SOX5: variants seen among roughly 807,000 people sequenced by gnomAD.
The protein encoded by SOX5 is transcription factor SOX-5.
SOX5 carries 9 observed loss-of-function variants against 92.0 expected under a neutral mutation model. The ratio of observed to expected loss-of-function variants is 0.10; its 90% CI spans 0.06 to 0.17. The LOEUF (loss-of-function observed/expected upper bound fraction) is 0.17. Among genes scored for constraint, SOX5 ranks in the 10% least tolerant of loss-of-function variants. The probability of loss-of-function intolerance (pLI) is 1.00; values close to 1 mark genes in which losing one functional copy is unlikely to be tolerated. For synonymous variants in SOX5, 344 were observed against 336.3 expected, an observed-to-expected ratio of 1.02 and a Z score of -0.25; for missense variants, 642 against 944.5, an observed-to-expected ratio of 0.68 and a Z score of 4.20.
At chr12:23,783,798 A>G (rs1003470974) in intron 3 of SOX5, among the ~76,000 whole-genome samples, 3 of 152,220 alleles carry the variant, frequency 2.0e-5, no homozygotes, top group Non-Finnish European at 4.4e-5. Flanking sequence ...GGCTCCAAAG[A>G]GGCCACCACT....
chr12:23,535,559 CTTG>C (rs1940196097), intron 14 of SOX5, among the ~76,000 whole-genome samples: 1 of 152,176 alleles, frequency 6.6e-6, no homozygotes, highest in South Asian at 2.1e-4. Flanking sequence ...TGCATTTATG[CTTG>C]TTTTTATTCA....
chr12:24,340,337 A>G (rs1952433200), intron 2 of SOX5, among the ~76,000 whole-genome samples: 1 of 152,238 alleles, frequency 6.6e-6, no homozygotes, highest in Non-Finnish European at 1.5e-5. Flanking sequence ...AAGTTAAGTT[A>G]AACATAACTC....
At chr12:23,858,578 C>G (rs569272003) in intron 2 of SOX5, among the ~76,000 whole-genome samples, 1 of 152,108 alleles carries the variant, frequency 6.6e-6, no homozygotes, top group Admixed American at 6.6e-5. Context: ...GAAGAGGGAA[C>G]CCTTATACAC....
At chr12:23,972,499 A>G (rs1424754554) in intron 4 of SOX5, among the ~76,000 whole-genome samples, 1 of 150,818 alleles carries the variant, frequency 6.6e-6, no homozygotes, top group African/African-American at 2.4e-5. Flanking sequence ...CTGGGATTAC[A>G]GGCGCCCACC....
At chr12:24,293,188 A>C (rs115078789) in intron 2 of SOX5, among the ~76,000 whole-genome samples, 1 of 152,228 alleles carries the variant, frequency 6.6e-6, no homozygotes, top group Non-Finnish European at 1.5e-5. Flanking sequence ...CACTATAGCT[A>C]TAAGGTGATA....
chr12:24,274,748 T>C (rs1019732660), intron 3 of SOX5, among the ~76,000 whole-genome samples: 6 of 152,024 alleles, frequency 3.9e-5, no homozygotes, highest in Non-Finnish European at 5.9e-5. Flanking sequence ...TTTTCACTCA[T>C]CTTAGAGTTA....
At chr12:24,398,167 G>C (rs1960552117) in intron 1 of SOX5, among the ~76,000 whole-genome samples, 1 of 152,080 alleles carries the variant, frequency 6.6e-6, no homozygotes, top group East Asian at 1.9e-4. Context: ...ATTTTTTATA[G>C]AAAGAATAAT....
chr12:24,555,105 C>T (rs1953638601), intron 1 of SOX5, among the ~76,000 whole-genome samples: 1 of 152,202 alleles, frequency 6.6e-6, no homozygotes, highest in South Asian at 2.1e-4. Flanking sequence ...AGCAGGAGCT[C>T]GCGCTGAGGG....
intron 1 of SOX5, among the ~76,000 whole-genome samples, chr12:24,527,426 CTTG>C (rs1201046492): frequency 6.6e-6 from 1 of 152,182 alleles, no homozygotes; most frequent in Admixed American, 6.5e-5. Flanking sequence ...AAAGTTAAAA[CTTG>C]TTGTGCCAAT....
intron 1 of SOX5, among the ~76,000 whole-genome samples, chr12:23,927,228 T>C (rs1940198871): frequency 6.6e-6 from 1 of 152,024 alleles, no homozygotes; most frequent in Non-Finnish European, 1.5e-5. Flanking sequence ...ACGTAACCAT[T>C]CTGGGGGAGG....
rs115889465 is a variant in SOX5 at position 23,915,358 on chromosome 12, A to G, written c.39-19334T>C. On this transcript the variant is annotated intron_variant, in intron 1 of 14. Coordinates refer to ENST00000451604, the MANE Select transcript of SOX5 (RefSeq NM_006940.6). ...AGCTATGAGAAGCCATCTGTGTTTA[A>G]TATACTTGGACCTTTGAAAAGGAGT... Among the ~76,000 whole-genome samples, 796 of 152,306 alleles carry G rather than the reference A, an allele frequency of 5.2e-3. 10 individuals are homozygous for G. The highest frequency in any genetic ancestry group is 0.018 in the African/African-American group (768 of 41,566).
chr12:23,563,256 AC>A lies in SOX5; in HGVS notation c.1488+1del. ...AGAAAGTAAGTTATTTTATGAACTGACCTTTTCTGTTCGGCAGTTATTGAGA... is the reference window on the plus strand; with the variant it reads ...AGAAAGTAAGTTATTTTATGAACTGACTTTTCTGTTCGGCAGTTATTGAGA... On this transcript the variant is annotated splice_donor_variant, in intron 11 of 14. Coordinates refer to ENST00000451604, the MANE Select transcript of SOX5 (RefSeq NM_006940.6). LOFTEE classifies it high-confidence loss of function. 6.2e-7 allele frequency: 1 copy of A among 1,607,608 alleles called. No homozygotes were observed. The highest frequency in any genetic ancestry group is 8.5e-7 in the Non-Finnish European group (1 of 1,177,098).
rs1940076350 is a variant in SOX5, at chr12:23,535,232, T to C, written c.1989-710A>G. Reference sequence around the variant, plus strand: ...GAATTAAATCTAAAGATAATTAAATTTTAATGGGAAAATCCTAAAGCATTA... The same window carrying C: ...GAATTAAATCTAAAGATAATTAAATCTTAATGGGAAAATCCTAAAGCATTA... On this transcript the variant is annotated intron_variant, in intron 14 of 14. Transcript: ENST00000451604. Among the ~76,000 whole-genome samples the C allele has an allele frequency of 2.6e-5, 4 of 152,194 alleles. No homozygotes were observed. The South Asian group carries it at 8.3e-4, about 31-fold the overall frequency.
chr12:24,091,922 T>C (rs1313432150), intron 4 of SOX5, among the ~76,000 whole-genome samples: 1 of 152,170 alleles, frequency 6.6e-6, no homozygotes, highest in African/African-American at 2.4e-5. Context: ...ACTTGATCTC[T>C]GCAATTAGAC....
chr12:24,322,668 C>A (rs1214215889), intron 2 of SOX5, among the ~76,000 whole-genome samples: 1 of 151,996 alleles, frequency 6.6e-6, no homozygotes, highest in Non-Finnish European at 1.5e-5. Flanking sequence ...TGTGTTATAC[C>A]TTTGACAACA....
At chr12:23,607,673 A>T (rs1348466590) in intron 8 of SOX5, among the ~76,000 whole-genome samples, 1 of 152,184 alleles carries the variant, frequency 6.6e-6, no homozygotes, top group Admixed American at 6.5e-5. Flanking sequence ...TGATGTCTAC[A>T]GTCACAGAAC....
In SOX5 at chr12:23,734,549, C is replaced by T. The variant is rs1160099775; in HGVS notation, c.810+135G>A. The T allele has an allele frequency of 1.9e-5, 12 of 643,758 alleles. No individual in the cohort carries two copies. The Admixed American group carries it at 3.1e-4, about 17-fold the overall frequency. The allele number at this position is 643,758 out of a possible 1,614,324, so 39.9% of individuals were successfully genotyped here. On this transcript the variant is annotated intron_variant, in intron 6 of 14. Coordinates refer to ENST00000451604, the MANE Select transcript of SOX5 (RefSeq NM_006940.6). Reference sequence around the variant, plus strand: ...GACACCATTTGCAAGATTTCCATGGCAGAGGAGGTGCTATGTCATGAATTA... The same window carrying T: ...GACACCATTTGCAAGATTTCCATGGTAGAGGAGGTGCTATGTCATGAATTA...
At chr12:24,050,406 C>G (rs1453469994) in intron 4 of SOX5, among the ~76,000 whole-genome samples, 3 of 152,014 alleles carry the variant, frequency 2.0e-5, no homozygotes, top group Admixed American at 2.0e-4. Context: ...GGTGACTGGG[C>G]TAGCCATTTC....
chr12:24,353,296 T>C (rs533807243), intron 2 of SOX5, among the ~76,000 whole-genome samples: 37 of 152,130 alleles, frequency 2.4e-4, no homozygotes, highest in Non-Finnish European at 4.6e-4. Flanking sequence ...CTCGAACAAC[T>C]GGGGAGTCCA....
Sources: gnomAD v4.1 joint callset for allele counts (sites outside exome capture counted in the v4.1 genomes callset) on GRCh38, gnomAD v4.1.1 for gene constraint, MANE v1.5 for transcripts, NCBI Gene and HGNC (gene_info 2026-07-23, HGNC 2026-07-21) for gene names.